COPS4: variants seen among roughly 807,000 people sequenced by gnomAD.
The protein encoded by COPS4 is COP9 signalosome subunit 4.
COPS4 carries 8 observed loss-of-function variants against 55.1 expected under a neutral mutation model. That is an observed-to-expected ratio of 0.15 (90% CI 0.09 to 0.26). COPS4 has a LOEUF of 0.26. Ranked by LOEUF, COPS4 falls within the 10% of genes least tolerant of loss-of-function variation. COPS4 has a pLI of 1.00. For missense variants in COPS4, 248 were observed against 484.0 expected, an observed-to-expected ratio of 0.51 and a Z score of 4.58; for synonymous variants, 185 against 165.7, an observed-to-expected ratio of 1.12 and a Z score of -0.90.
chr4:83,057,919 CAAAAAAAAAAA>C (rs960818183), intron 6 of COPS4, among the ~76,000 whole-genome samples: 1 of 54,272 alleles, frequency 1.8e-5, no homozygotes, highest in Non-Finnish European at 3.9e-5. Context: ...GACTCTGTCT[CAAAAAAAAAAA>C]AAAAAAAAAG....
In COPS4 at chr4:83,075,620, G is replaced by A; in HGVS notation, c.*190G>A. ...ATATGTAGTTCCCATATATTTCAGG[G>A]TCTCTGTGTATTAAGCTAACTCAGA... On this transcript the variant is annotated 3_prime_UTR_variant, in exon 10 of 10. Coordinates refer to ENST00000264389, the MANE Select transcript of COPS4 (RefSeq NM_016129.3). The A allele has an allele frequency of 1.8e-6, 1 of 542,348 alleles. No individual in the cohort carries two copies. Among genetic ancestry groups the A allele is most frequent in the Non-Finnish European group, 3.0e-6 (1 of 330,474 alleles). The allele number at this position is 542,348 out of a possible 1,614,324, so 33.6% of individuals were successfully genotyped here. A position where few individuals can be genotyped will look rare whatever the true frequency, so the allele number is the denominator to read the frequency against.
chr4:83,043,599 A>G (rs1317232170), intron 1 of COPS4, among the ~76,000 whole-genome samples: 1 of 151,430 alleles, frequency 6.6e-6, no homozygotes, highest in African/African-American at 2.4e-5. Context: ...TATAAGTGAG[A>G]CACTATTACC....
intron 1 of COPS4, among the ~76,000 whole-genome samples, chr4:83,040,038 C>CT (rs1362221807): frequency 6.6e-6 from 1 of 152,186 alleles, no homozygotes; most frequent in Non-Finnish European, 1.5e-5. Context: ...GCCTCTTACT[C>CT]TGTCTTTTCC....
chr4:83,058,347 A>T (rs1230494472), intron 6 of COPS4, among the ~76,000 whole-genome samples: 1 of 151,936 alleles, frequency 6.6e-6, no homozygotes, highest in Non-Finnish European at 1.5e-5. Context: ...CCTCCCAAGT[A>T]GCTGGGACTA....
intron 2 of COPS4, 52 bp from the exon 3 acceptor site, chr4:83,049,114 A>G: frequency 1.5e-5 from 23 of 1,523,518 alleles, no homozygotes; most frequent in Non-Finnish European, 2.0e-5. Flanking sequence ...TGATTGTTTA[A>G]TGACAATTTA....
intron 6 of COPS4, among the ~76,000 whole-genome samples, chr4:83,057,881 C>T (rs1731054482): frequency 7.0e-6 from 1 of 142,644 alleles, no homozygotes; most frequent in African/African-American, 2.6e-5. Flanking sequence ...GAGATCAGGC[C>T]ACTGCACTCC....
chr4:83,068,898 A>G (rs1731353009), intron 9 of COPS4, among the ~76,000 whole-genome samples: 1 of 151,610 alleles, frequency 6.6e-6, no homozygotes, highest in Admixed American at 6.6e-5. Flanking sequence ...TAAACCTAGG[A>G]GGCAGAAGTT....
intron 4 of COPS4, among the ~76,000 whole-genome samples, chr4:83,051,110 A>G (rs1578709373): frequency 6.6e-6 from 1 of 151,734 alleles, no homozygotes; most frequent in African/African-American, 2.4e-5. Context: ...AAAAAAAAAA[A>G]AAAAAATGCT....
intron 7 of COPS4, chr4:83,065,154 G>T: frequency 1.8e-6 from 1 of 563,796 alleles, no homozygotes; most frequent in South Asian, 2.2e-5. Flanking sequence ...GGGATGATAG[G>T]GGTAAGCCAC....
chr4:83,063,352 T>C, intron 7 of COPS4, 106 bp downstream of exon 7: 1 of 726,094 alleles, frequency 1.4e-6, no homozygotes, highest in Non-Finnish European at 2.0e-6. Context: ...TACATAACAC[T>C]TCCTCATAAA....
intron 6 of COPS4, among the ~76,000 whole-genome samples, chr4:83,060,622 T>C (rs996084759): frequency 6.6e-6 from 1 of 151,956 alleles, no homozygotes; most frequent in Non-Finnish European, 1.5e-5. Context: ...TGGTATAGTT[T>C]CTTACAGATT....
chr4:83,036,672 GT>G (rs1401846823), intron 1 of COPS4, among the ~76,000 whole-genome samples: 1 of 152,144 alleles, frequency 6.6e-6, no homozygotes, highest in African/African-American at 2.4e-5. Context: ...GATTGTTGTT[GT>G]TACTATTAAG....
intron 8 of COPS4, among the ~76,000 whole-genome samples, 191 bp downstream of exon 8, chr4:83,066,744 G>T (rs1357053095): frequency 2.6e-5 from 4 of 152,164 alleles, no homozygotes; most frequent in Non-Finnish European, 5.9e-5. Flanking sequence ...TAGGCCTAGT[G>T]TTTATTAGTG....
At chr4:83,041,456 A>G (rs1447216472) in intron 1 of COPS4, among the ~76,000 whole-genome samples, 3 of 152,002 alleles carry the variant, frequency 2.0e-5, no homozygotes, top group Admixed American at 1.3e-4. Context: ...ATAAAAAGCT[A>G]TTATTATCTA....
chr4:83,064,978 C>T (rs2868745), intron 7 of COPS4: 1 of 393,312 alleles, frequency 2.5e-6, no homozygotes, highest in African/African-American at 2.2e-5. Context: ...GCCTCCACCT[C>T]TTGGGGATCC....
chr4:83,063,453 G>T (rs1408404576), intron 7 of COPS4, among the ~76,000 whole-genome samples: 1 of 138,644 alleles, frequency 7.2e-6, no homozygotes, highest in African/African-American at 2.7e-5. Flanking sequence ...AGGCTGGAGT[G>T]CAGTGGCACA....
At chr4:83,052,869 G>C (rs956402993) in intron 4 of COPS4, among the ~76,000 whole-genome samples, 1 of 152,198 alleles carries the variant, frequency 6.6e-6, no homozygotes, top group Non-Finnish European at 1.5e-5. Flanking sequence ...TTACAGGTGT[G>C]AGCCACCATG....
At chr4:83,063,273 G>A (rs1560442225) in intron 7 of COPS4, 27 bp downstream of exon 7, 1 of 1,562,722 alleles carries the variant, frequency 6.4e-7, no homozygotes, top group Non-Finnish European at 8.7e-7. Context: ...ATGTGTATAT[G>A]GTAGTCAATG....
intron 7 of COPS4, 39 bp from the exon 8 acceptor site, chr4:83,066,399 A>G (rs1731293394): frequency 9.7e-7 from 1 of 1,031,482 alleles, no homozygotes; most frequent in Admixed American, 2.4e-5. Context: ...AGAGTATAAA[A>G]CTAGTTTCAA....
Sources: allele counts gnomAD v4.1 joint callset (sites outside exome capture counted in the v4.1 genomes callset), GRCh38; gene constraint gnomAD v4.1.1; transcripts MANE v1.5; gene names NCBI Gene and HGNC (gene_info 2026-07-23, HGNC 2026-07-21).